ITPR2: variants seen among roughly 807,000 people sequenced by gnomAD.
ITPR2 encodes inositol 1,4,5-trisphosphate receptor type 2, also known as inositol 1,4,5-trisphosphate-gated calcium channel ITPR2.
Under a neutral mutation model 317.1 loss-of-function variants are expected in ITPR2, and 207 were observed. The observed-to-expected ratio is 0.65, with a 90% CI of 0.58 to 0.73. The LOEUF (loss-of-function observed/expected upper bound fraction) is 0.73, where lower values mean the gene tolerates loss of function less well. Ranked by LOEUF, ITPR2 falls within the 30% of genes least tolerant of loss-of-function variation. The pLI, the probability that ITPR2 is intolerant of heterozygous loss-of-function variation, is 0.00. For missense variants in ITPR2, 2,613 were observed against 3,284.0 expected (o/e 0.80, Z 4.99); for synonymous variants, 1,156 against 1,149.1 (o/e 1.01, Z -0.12).
At chr12:26,509,601 T>C (rs575957729) in intron 37 of ITPR2, among the ~76,000 whole-genome samples, 1 of 152,364 alleles carries the variant, frequency 6.6e-6, no homozygotes, top group African/African-American at 2.4e-5. Flanking sequence ...ATGGCACGTT[T>C]TGAATGTTAC....
intron 45 of ITPR2, among the ~76,000 whole-genome samples, chr12:26,456,571 A>G (rs1272252595): frequency 2.6e-5 from 4 of 152,202 alleles, no homozygotes; most frequent in Non-Finnish European, 5.9e-5. Flanking sequence ...TACTTTCTTA[A>G]TAAACTTGCT....
chr12:26,356,954 C>T (rs1169838568), intron 55 of ITPR2, among the ~76,000 whole-genome samples: 1 of 152,206 alleles, frequency 6.6e-6, no homozygotes, highest in Non-Finnish European at 1.5e-5. Context: ...GATATTGAAG[C>T]AATTCCTACA....
intron 46 of ITPR2, 67 bp downstream of exon 46, chr12:26,443,476 G>T (rs1360273416): frequency 1.6e-6 from 2 of 1,226,510 alleles, no homozygotes; most frequent in Non-Finnish European, 2.4e-6. Context: ...ATATGAAAAT[G>T]GTCTAAAATA....
At chr12:26,518,430 A>G (rs1246087024) in intron 37 of ITPR2, among the ~76,000 whole-genome samples, 3 of 152,218 alleles carry the variant, frequency 2.0e-5, no homozygotes, top group Non-Finnish European at 1.5e-5. Context: ...TATGCTTATT[A>G]CCAGGGTGAC....
In ITPR2 at chr12:26,660,097, T is replaced by C. The variant is rs375472730; in HGVS notation, c.1714-812A>G. ...ACCTAAAGGGAAGCCATCTAGGCAG[T>C]GGGAATAGCCAGTGCAAAGGCCCTG... On this transcript the variant is annotated intron_variant, in intron 15 of 56. Coordinates refer to ENST00000381340, the MANE Select transcript of ITPR2 (RefSeq NM_002223.4). Among the ~76,000 whole-genome samples, 3 of 152,072 alleles carry C rather than the reference T, an allele frequency of 2.0e-5. No individual in the cohort carries two copies. The East Asian group carries it at 5.8e-4, about 29-fold the overall frequency.
intron 55 of ITPR2, among the ~76,000 whole-genome samples, chr12:26,345,114 G>A (rs1057113897): frequency 6.6e-6 from 1 of 151,670 alleles, no homozygotes; most frequent in Non-Finnish European, 1.5e-5. Context: ...ATATTTTAGG[G>A]TTCCTTTTCT....
chr12:26,474,995 C>T lies in ITPR2; in HGVS notation c.6342+301G>A, dbSNP rs576090391. ...TCCCCAGTAGCCTCTCTTCCCCTCT[C>T]CTTCAGGACCCTCATTTTTTGCCAT... On this transcript the variant is annotated intron_variant, in intron 45 of 56. Transcript: ENST00000381340. Among the ~76,000 whole-genome samples the T allele has an allele frequency of 2.6e-5, 4 of 152,220 alleles. No homozygotes were observed. The South Asian group carries it at 6.2e-4, about 24-fold the overall frequency.
chr12:26,548,184 A>G (rs534774897), intron 37 of ITPR2, among the ~76,000 whole-genome samples: 3 of 152,350 alleles, frequency 2.0e-5, no homozygotes, highest in East Asian at 3.9e-4. Context: ...GGAACAATTG[A>G]TAAGTACTAC....
Position 26,658,098 on chromosome 12 carries a change from G to T in ITPR2, c.1919C>A (p.Ser640Tyr). ...FLDYLSDLCV[S>Y]NTTAIPVTQE... is the part of the protein sequence containing the mutation. ...AGTTACAGGGATAGCAGTGGTATTAGACACACACAGATCTGACAAATAATC... is the reference window on the plus strand; with the variant it reads ...AGTTACAGGGATAGCAGTGGTATTATACACACACAGATCTGACAAATAATC... The change falls in exon 17 of 57, where the codon TCT becomes TAT. Residue 640 changes from serine to tyrosine, a missense_variant. Ser to Tyr is a moderately radical substitution (Grantham distance 144). Around this residue, in one of 9 missense-constraint regions of ITPR2, gnomAD observed 515 missense variants for 789.4 expected, o/e 0.65. Transcript: ENST00000381340. The T allele has an allele frequency of 6.2e-7, 1 of 1,606,800 alleles. No homozygotes were observed. The highest frequency in any genetic ancestry group is 1.1e-5 in the South Asian group (1 of 88,608).
At chr12:26,453,155 A>ATACT (rs201226452) in intron 45 of ITPR2, among the ~76,000 whole-genome samples, 1 of 30,582 alleles carries the variant, frequency 3.3e-5, no homozygotes, top group Non-Finnish European at 8.1e-5. Flanking sequence ...ACTTCAGAAG[A>ATACT]TACTTAAGAT....
At chr12:26,508,065 C>A (rs572340721) in intron 37 of ITPR2, among the ~76,000 whole-genome samples, 1 of 152,258 alleles carries the variant, frequency 6.6e-6, no homozygotes, top group East Asian at 1.9e-4. Flanking sequence ...ACTGAGCAAG[C>A]ACATCTCTTT....
chr12:26,782,023 TATATATATATGTATAGAGAGAGAG>T (rs1438979339), intron 2 of ITPR2, among the ~76,000 whole-genome samples: 12 of 28,410 alleles, frequency 4.2e-4, no homozygotes, highest in Admixed American at 4.8e-4. Flanking sequence ...TATATATATA[TATATATATATGTATAGAGAGAGAG>T]AGAGAGAGAG....
Position 26,401,582 on chromosome 12 carries a change from A to C in ITPR2, c.7400-1324T>G, listed in dbSNP as rs79541321. Among the ~76,000 whole-genome samples the C allele has an allele frequency of 2.6e-3, 397 of 152,368 alleles. 2 individuals are homozygous for C. Among genetic ancestry groups the C allele is most frequent in the African/African-American group, 9.3e-3 (388 of 41,580 alleles). ...GATATTAGAATCAGAAATTCCTAAC[A>C]CTGGCAAATGACCAGAAATGTATTT... is the stretch of plus-strand genomic sequence containing the variant. On this transcript the variant is annotated intron_variant, in intron 52 of 56. Coordinates refer to ENST00000381340, the MANE Select transcript of ITPR2 (RefSeq NM_002223.4).
rs750192267 is a variant in ITPR2 at position 26,682,526 on chromosome 12, T to G, written c.1248+48A>C. ...ACACAGCATTCCTATCCTAATCCTA[T>G]TCTCATGGCATTTGGCTGAAAATTA... On this transcript the variant is annotated intron_variant, in intron 12 of 56. Coordinates refer to ENST00000381340, the MANE Select transcript of ITPR2 (RefSeq NM_002223.4). 6.0e-6 allele frequency: 7 copies of G among 1,170,646 alleles called. No homozygotes were observed. The South Asian group carries it at 7.6e-5, about 13-fold the overall frequency. The allele number at this position is 1,170,646 out of a possible 1,614,324, so 72.5% of individuals were successfully genotyped here. A position where few individuals can be genotyped will look rare whatever the true frequency, so the allele number is the denominator to read the frequency against.
chr12:26,729,691 T>C (rs1948994773), intron 2 of ITPR2, among the ~76,000 whole-genome samples: 1 of 152,106 alleles, frequency 6.6e-6, no homozygotes, highest in Non-Finnish European at 1.5e-5. Context: ...CCTAGCAAGC[T>C]AGTGCAGGAA....
At chr12:26,683,027 G>A (rs1438479568) in intron 11 of ITPR2, among the ~76,000 whole-genome samples, 1 of 152,174 alleles carries the variant, frequency 6.6e-6, no homozygotes, top group Non-Finnish European at 1.5e-5. Context: ...CAGTTCTGAT[G>A]CATGCTAAAC....
At chr12:26,722,004 C>T (rs551462020) in intron 5 of ITPR2, among the ~76,000 whole-genome samples, 2 of 152,276 alleles carry the variant, frequency 1.3e-5, no homozygotes, top group Admixed American at 1.3e-4. Context: ...AAATGGAATC[C>T]TGTCATGAAT....
chr12:26,708,532 T>C (rs1714355442), intron 9 of ITPR2, among the ~76,000 whole-genome samples: 1 of 152,130 alleles, frequency 6.6e-6, no homozygotes, highest in South Asian at 2.1e-4. Context: ...CACTCATATG[T>C]GGGAGCTAAA....
intron 32 of ITPR2, among the ~76,000 whole-genome samples, chr12:26,584,330 A>G (rs1367584627): frequency 6.6e-6 from 1 of 152,194 alleles, no homozygotes; most frequent in Non-Finnish European, 1.5e-5. Flanking sequence ...TGTCTCTGCC[A>G]TTAGGATATA....
Sources: allele counts gnomAD v4.1 joint callset (sites outside exome capture counted in the v4.1 genomes callset), GRCh38; gene constraint gnomAD v4.1.1; regional missense constraint gnomAD v4.1.1; transcripts MANE v1.5; gene names NCBI Gene and HGNC (gene_info 2026-07-23, HGNC 2026-07-21).